EHF: variants seen among roughly 807,000 people sequenced by gnomAD.
EHF encodes ESE3 transcription factor.
A neutral mutation model predicts 45.1 loss-of-function variants in EHF; 14 were observed. That is an observed-to-expected ratio of 0.31 (90% CI 0.21 to 0.49). EHF has a LOEUF of 0.49. Among genes scored for constraint, EHF ranks in the 20% least tolerant of loss-of-function variants. EHF has a pLI of 0.99. For synonymous variants in EHF, 136 were observed against 131.8 expected, an observed-to-expected ratio of 1.03 and a Z score of -0.22; for missense variants, 282 against 371.4, an observed-to-expected ratio of 0.76 and a Z score of 1.98.
At chr11:34,624,323 C>A in intron 1 of EHF, 1 of 985,368 alleles carries the variant, frequency 1.0e-6, no homozygotes, top group Non-Finnish European at 1.2e-6. Flanking sequence ...CTTGGGTAAG[C>A]CGGGTCTGCG....
At chr11:34,632,426 C>T (rs1852978426) in intron 1 of EHF, 3 of 1,451,206 alleles carry the variant, frequency 2.1e-6, no homozygotes, top group Admixed American at 2.3e-5. Context: ...CACATAAACA[C>T]ACCATTGTCT....
At chr11:34,647,451 G>C (rs1854675106) in intron 3 of EHF, among the ~76,000 whole-genome samples, 1 of 152,200 alleles carries the variant, frequency 6.6e-6, no homozygotes, top group Non-Finnish European at 1.5e-5. Context: ...ACCTAGTAGG[G>C]TGGACAACTG....
At chr11:34,638,626 T>A (rs1185790320) in intron 1 of EHF, among the ~76,000 whole-genome samples, 1 of 152,080 alleles carries the variant, frequency 6.6e-6, no homozygotes. Context: ...GCTGCTGGCA[T>A]CTAGAGGGTA....
intron 3 of EHF, among the ~76,000 whole-genome samples, chr11:34,647,176 T>A (rs1854649882): frequency 6.6e-6 from 1 of 151,370 alleles, no homozygotes; most frequent in Non-Finnish European, 1.5e-5. Flanking sequence ...AAATTAGAAC[T>A]ATGTTTGTGT....
chr11:34,657,421 G>A (rs144550398), intron 7 of EHF, among the ~76,000 whole-genome samples: 21 of 152,262 alleles, frequency 1.4e-4, no homozygotes, highest in South Asian at 6.2e-4. Context: ...CTGCTCTTTG[G>A]GAGTTGGGTC....
chr11:34,627,370 C>T (rs1469070552), intron 1 of EHF, among the ~76,000 whole-genome samples: 1 of 152,028 alleles, frequency 6.6e-6, no homozygotes, highest in Non-Finnish European at 1.5e-5. Context: ...GTCCTGATGC[C>T]TGGCAAGTAG....
Position 34,621,141 on chromosome 11 carries a change from A to G in EHF, c.-91A>G, listed in dbSNP as rs1474751289. 6.6e-6 allele frequency: 1 copy of G among 152,240 alleles called. No individual in the cohort carries two copies. The highest frequency in any genetic ancestry group is 2.4e-5 in the African/African-American group (1 of 41,460). The allele number at this position is 152,240 out of a possible 1,614,324, so 9.4% of individuals were successfully genotyped here. On this transcript the variant is annotated 5_prime_UTR_variant, in exon 1 of 9. Coordinates refer to ENST00000257831, the MANE Select transcript of EHF (RefSeq NM_012153.6). The stretch of plus-strand genomic sequence containing the variant: ...ATAACACCCGTGGTGCCCCATCCCT[A>G]TAGGAGCTGGTGAGATTGCAGCCTG...
intron 1 of EHF, among the ~76,000 whole-genome samples, chr11:34,626,710 T>C (rs768351697): frequency 1.3e-5 from 2 of 152,208 alleles, no homozygotes; most frequent in Non-Finnish European, 2.9e-5. Flanking sequence ...GGAATGTTGA[T>C]GGAGTAAAAT....
At chr11:34,630,538 G>A (rs1190326481) in intron 1 of EHF, among the ~76,000 whole-genome samples, 6 of 151,932 alleles carry the variant, frequency 3.9e-5, no homozygotes, top group Non-Finnish European at 8.8e-5. Flanking sequence ...TCCTTGACTT[G>A]AACATCTTGG....
At chr11:34,646,310 C>T in intron 2 of EHF, 129 bp from the exon 3 acceptor site, 2 of 1,422,962 alleles carry the variant, frequency 1.4e-6, no homozygotes, top group Non-Finnish European at 1.9e-6. Context: ...CTCCATCACC[C>T]ATGCTGGCAC....
At chr11:34,650,308 A>T (rs1855016313) in intron 4 of EHF, among the ~76,000 whole-genome samples, 1 of 152,188 alleles carries the variant, frequency 6.6e-6, no homozygotes, top group Non-Finnish European at 1.5e-5. Context: ...AAGCTCATAG[A>T]GGGGCCAACA....
chr11:34,657,094 G>A, intron 7 of EHF, 124 bp downstream of exon 7: 1 of 1,161,194 alleles, frequency 8.6e-7, no homozygotes, highest in Middle Eastern at 2.4e-4. Context: ...TCCCAAACAG[G>A]GTGGAGTGAG....
intron 1 of EHF, among the ~76,000 whole-genome samples, chr11:34,637,903 T>TC (rs1322669746): frequency 5.3e-5 from 8 of 152,058 alleles, no homozygotes; most frequent in African/African-American, 1.9e-4. Context: ...TCACTCCTTT[T>TC]TTTTTTTTTC....
chr11:34,643,068 A>ATGTGTGTG lies in EHF; in HGVS notation c.97+363_97+370dup, dbSNP rs780809590. Among the ~76,000 whole-genome samples, 136 of 144,970 alleles carry ATGTGTGTG rather than the reference A, an allele frequency of 9.4e-4. 1 individual carries two copies. Among genetic ancestry groups the ATGTGTGTG allele is most frequent in the African/African-American group, 3.1e-3 (121 of 39,586 alleles). ...CAAGATAGGCTAGGAGAGAAAGGGT[A>ATGTGTGTG]TGTGTGTGTGTGTGTGTGTGTGTGT... On this transcript the variant is annotated intron_variant, in intron 2 of 8. Coordinates refer to ENST00000257831, the MANE Select transcript of EHF (RefSeq NM_012153.6).
chr11:34,648,531 T>C (rs973147477), intron 3 of EHF, among the ~76,000 whole-genome samples: 3 of 152,170 alleles, frequency 2.0e-5, no homozygotes, highest in African/African-American at 7.2e-5. Flanking sequence ...ATGATGGCAT[T>C]GATTAGATTT....
intron 1 of EHF, among the ~76,000 whole-genome samples, chr11:34,639,463 T>C (rs1452649519): frequency 6.6e-6 from 1 of 152,214 alleles, no homozygotes; most frequent in Non-Finnish European, 1.5e-5. Flanking sequence ...CACGATCTCA[T>C]TCCATCTCAA....
intron 2 of EHF, among the ~76,000 whole-genome samples, chr11:34,643,220 C>T (rs1396805972): frequency 6.6e-6 from 1 of 151,964 alleles, no homozygotes; most frequent in Non-Finnish European, 1.5e-5. Flanking sequence ...AGGTGTTCTC[C>T]CTAGAGCTTT....
At chr11:34,635,860 G>A (rs908504535) in intron 1 of EHF, among the ~76,000 whole-genome samples, 1 of 152,060 alleles carries the variant, frequency 6.6e-6, no homozygotes, top group African/African-American at 2.4e-5. Context: ...GATGGCTTTC[G>A]TCCTTTGGGT....
At chr11:34,643,251 G>C (rs960404939) in intron 2 of EHF, among the ~76,000 whole-genome samples, 3 of 152,160 alleles carry the variant, frequency 2.0e-5, no homozygotes, top group African/African-American at 7.2e-5. Context: ...ACGTCTATTA[G>C]AAGAAGAGGG....
Sources: allele counts gnomAD v4.1 joint callset (sites outside exome capture counted in the v4.1 genomes callset), GRCh38; gene constraint gnomAD v4.1.1; transcripts MANE v1.5; gene names NCBI Gene and HGNC (gene_info 2026-07-23, HGNC 2026-07-21).